Variants in B4GALT4 observed in about 807,000 individuals in gnomAD.
B4GALT4 encodes the protein beta-1,4-galactosyltransferase 4.
In B4GALT4, 27 loss-of-function variants were observed where a neutral mutation model predicts 37.3. The ratio of observed to expected loss-of-function variants is 0.72; its 90% CI spans 0.53 to 1.00. B4GALT4 has a LOEUF of 1.00. Among genes scored for constraint, B4GALT4 ranks in the 50% least tolerant of loss-of-function variants. The pLI, the probability that B4GALT4 is intolerant of heterozygous loss-of-function variation, is 0.00. For missense variants in B4GALT4, 372 were observed against 413.1 expected (o/e 0.90, Z 0.86); for synonymous variants, 148 against 154.1 (o/e 0.96, Z 0.29).
chr3:119,227,002 A>G lies in B4GALT4; in HGVS notation c.293T>C (p.Leu98Ser). The stretch of plus-strand genomic sequence containing the variant: ...GGGATTTTCTGCCTGTACCTCTTCC[A>G]AAGTGAGATCTGGTTTGAAAATGAG... ...SKLIFKPDLT[L>S]EEVQAENPKV... Residue 98 changes from leucine (L) to serine (S), a missense_variant, in exon 4 of 8, where the codon TTG becomes TCG. Coordinates refer to ENST00000393765, the MANE Select transcript of B4GALT4 (RefSeq NM_003778.4). The G allele has an allele frequency of 6.2e-7, 1 of 1,614,214 alleles. No homozygotes were observed. The highest frequency in any genetic ancestry group is 8.5e-7 in the Non-Finnish European group (1 of 1,180,042).
At chr3:119,233,923 T>G (rs901649167) in intron 2 of B4GALT4, among the ~76,000 whole-genome samples, 4 of 152,204 alleles carry the variant, frequency 2.6e-5, no homozygotes, top group African/African-American at 9.7e-5. Context: ...ATCTGAAGTG[T>G]GAAGGGTCTG....
chr3:119,231,115 G>A (rs1559932139), intron 2 of B4GALT4, among the ~76,000 whole-genome samples: 2 of 152,078 alleles, frequency 1.3e-5, no homozygotes, highest in African/African-American at 4.8e-5. Flanking sequence ...ACCACTTTTT[G>A]TACTGTATTT....
At chr3:119,225,803 T>C (rs1559925207) in intron 4 of B4GALT4, among the ~76,000 whole-genome samples, 1 of 152,324 alleles carries the variant, frequency 6.6e-6, no homozygotes, top group East Asian at 1.9e-4. Context: ...AAATAAATCA[T>C]AACTATGACC....
At chr3:119,213,692 T>C (rs993128563) in intron 7 of B4GALT4, 11 of 152,192 alleles carry the variant, frequency 7.2e-5, no homozygotes, top group Non-Finnish European at 1.6e-4. Context: ...ACACAGGTCA[T>C]GCACTCAAAG....
chr3:119,225,073 A>G (rs551350660), intron 4 of B4GALT4, among the ~76,000 whole-genome samples: 6 of 152,222 alleles, frequency 3.9e-5, no homozygotes, highest in African/African-American at 1.4e-4. Flanking sequence ...AGTTATTGCT[A>G]ATATTTCTAA....
chr3:119,222,332 GA>G (rs1318010132), intron 5 of B4GALT4, among the ~76,000 whole-genome samples: 1 of 152,058 alleles, frequency 6.6e-6, no homozygotes, highest in African/African-American at 2.4e-5. Context: ...AAAGAAACCA[GA>G]AAACAAAACC....
intron 2 of B4GALT4, among the ~76,000 whole-genome samples, chr3:119,235,816 T>A (rs866983599): frequency 2.0e-5 from 3 of 150,000 alleles, no homozygotes; most frequent in South Asian, 2.1e-4. Flanking sequence ...TTGAGTAATT[T>A]AAAAAAAAAA....
At chr3:119,212,793 T>C (rs1576880835) in intron 7 of B4GALT4, 112 bp from the exon 8 acceptor site, 1 of 1,043,214 alleles carries the variant, frequency 9.6e-7, no homozygotes, top group East Asian at 2.8e-5. Context: ...TTGTACCTGT[T>C]GTGTTTCCTA....
At chr3:119,216,950 T>G (rs1407173825) in intron 6 of B4GALT4, among the ~76,000 whole-genome samples, 1 of 152,264 alleles carries the variant, frequency 6.6e-6, no homozygotes, top group African/African-American at 2.4e-5. Context: ...TACTCTGCAA[T>G]GTATTATATG....
chr3:119,230,005 T>C lies in B4GALT4; in HGVS notation c.95A>G (p.Asn32Ser), dbSNP rs1418374828. 1 of 1,614,164 alleles carries C rather than the reference T, an allele frequency of 6.2e-7. No homozygotes were observed. The highest frequency in any genetic ancestry group is 1.6e-4 in the Middle Eastern group (1 of 6,062). ...CLTVVGWATSNYFVGAIQEIP... is the reference protein window; with the variant it reads ...CLTVVGWATSSYFVGAIQEIP... ...CTCTTGAATGGCACCCACGAAGTAG[T>C]TACTGGTGGCCCACCCAACCACTGT... is the stretch of plus-strand genomic sequence containing the variant. Residue 32 changes from asparagine to serine, a missense_variant, in exon 3 of 8, where the codon AAC (asparagine) becomes AGC (serine). Asn to Ser is a conservative substitution (Grantham distance 46). Coordinates refer to ENST00000393765, the MANE Select transcript of B4GALT4 (RefSeq NM_003778.4).
intron 2 of B4GALT4, among the ~76,000 whole-genome samples, chr3:119,233,952 A>G (rs2078903234): frequency 6.6e-6 from 1 of 152,194 alleles, no homozygotes; most frequent in Non-Finnish European, 1.5e-5. Context: ...CTGTCCATCT[A>G]TGTTTCAAGA....
At chr3:119,239,081 C>T (rs1313024578) in intron 1 of B4GALT4, among the ~76,000 whole-genome samples, 2 of 152,084 alleles carry the variant, frequency 1.3e-5, no homozygotes, top group Non-Finnish European at 2.9e-5. Flanking sequence ...TCTGTAATCC[C>T]AGCACTTTGG....
Position 119,224,137 on chromosome 3 carries a change from G to C in B4GALT4, c.595C>G (p.Pro199Ala). 6.2e-7 allele frequency: 1 copy of C among 1,613,996 alleles called. No homozygotes were observed. The highest frequency in any genetic ancestry group is 2.2e-5 in the East Asian group (1 of 44,870). ...TTGTAAAGGTTAAAGTCATTCTCGG[G>C]TACCAGGTCCACATCGTGGAATATA... is the stretch of plus-strand genomic sequence containing the variant. ...CFIFHDVDLV[P>A]ENDFNLYKCE... Residue 199 changes from proline to alanine, a missense_variant, in exon 5 of 8, where the codon CCC becomes GCC. Physicochemically the swap from Pro to Ala is conservative, Grantham distance 27 (BLOSUM62 -1). Coordinates refer to ENST00000393765, the MANE Select transcript of B4GALT4 (RefSeq NM_003778.4).
At chr3:119,234,703 G>A (rs1405868171) in intron 2 of B4GALT4, among the ~76,000 whole-genome samples, 4 of 152,184 alleles carry the variant, frequency 2.6e-5, no homozygotes, top group Non-Finnish European at 4.4e-5. Context: ...AAGTAATTGA[G>A]AGACCCTTAA....
intron 6 of B4GALT4, 113 bp from the exon 7 acceptor site, chr3:119,216,457 C>G (rs1013879003): frequency 2.2e-6 from 1 of 463,708 alleles, no homozygotes; most frequent in Admixed American, 3.9e-5. Context: ...CACACACACA[C>G]ACACACACAC....
chr3:119,238,841 A>G (rs1000436768), intron 1 of B4GALT4, among the ~76,000 whole-genome samples: 1 of 152,196 alleles, frequency 6.6e-6, no homozygotes, highest in African/African-American at 2.4e-5. Context: ...TTAGTTACAT[A>G]AGTTTGACAA....
At chr3:119,222,928 C>A (rs2078491697) in intron 5 of B4GALT4, among the ~76,000 whole-genome samples, 1 of 152,196 alleles carries the variant, frequency 6.6e-6, no homozygotes, top group African/African-American at 2.4e-5. Flanking sequence ...GCAACAGTCA[C>A]CTACATCAAT....
chr3:119,237,009 G>A lies in B4GALT4; in HGVS notation c.-302C>T, dbSNP rs1184956955. On this transcript the variant is annotated 5_prime_UTR_variant, in exon 2 of 8. Transcript: ENST00000393765. ...ACTGCGTGAGTTCCGTGGCACATTGGAACACAGTGTACCCGCCTCTGGGCA... is the reference window on the plus strand; with the variant it reads ...ACTGCGTGAGTTCCGTGGCACATTGAAACACAGTGTACCCGCCTCTGGGCA... 2.6e-5 allele frequency: 4 copies of A among 152,036 alleles called. No individual in the cohort carries two copies. Among genetic ancestry groups the A allele is most frequent in the Admixed American group, 2.0e-4 (3 of 15,272 alleles). The allele number at this position is 152,036 out of a possible 1,614,324, so 9.4% of individuals were successfully genotyped here.
At chr3:119,218,424 AC>A (rs1400879396) in intron 6 of B4GALT4, among the ~76,000 whole-genome samples, 1 of 152,136 alleles carries the variant, frequency 6.6e-6, no homozygotes, top group East Asian at 1.9e-4. Context: ...TGAGGCCTCC[AC>A]CAACACTTCT....
Sources: gnomAD v4.1 joint callset for allele counts (sites outside exome capture counted in the v4.1 genomes callset) on GRCh38, gnomAD v4.1.1 for gene constraint, MANE v1.5 for transcripts, NCBI Gene and HGNC (gene_info 2026-07-23, HGNC 2026-07-21) for gene names.